Variants in CFHR4 observed in about 807,000 individuals in gnomAD.
The protein encoded by CFHR4 is complement factor H-related protein 4.
CFHR4 carries 64 observed loss-of-function variants against 69.3 expected under a neutral mutation model. The ratio of observed to expected loss-of-function variants is 0.92; its 90% confidence interval spans 0.76 to 1.14. The LOEUF is 1.14. Ranked by LOEUF, CFHR4 falls within the 50% of genes most tolerant of loss-of-function variation. The pLI, the probability that CFHR4 is intolerant of heterozygous loss-of-function variation, is 0.00. For missense variants in CFHR4, 636 were observed against 684.9 expected, an observed-to-expected ratio of 0.93 and a Z score of 0.80; for synonymous variants, 244 against 237.0, an observed-to-expected ratio of 1.03 and a Z score of -0.27.
intron 9 of CFHR4, among the ~76,000 whole-genome samples, chr1:196,916,790 AG>A (rs2124979921): frequency 6.6e-6 from 1 of 151,674 alleles, no homozygotes; most frequent in South Asian, 2.1e-4. Flanking sequence ...AGAACAGGAA[AG>A]GATTATAATT....
Position 196,918,257 on chromosome 1 carries a change from T to G in CFHR4, c.1588T>G (p.Leu530Val), listed in dbSNP as rs1186378315. The G allele has an allele frequency of 1.9e-6, 3 of 1,607,322 alleles. No individual in the cohort carries two copies. Among genetic ancestry groups the G allele is most frequent in the East Asian group, 4.5e-5 (2 of 44,590 alleles). ...EENMNKNNIQ[L>V]KGKSDIKYYA... ...AAACATGAATAAAAATAACATACAGTTAAAAGGAAAAAGTGACATAAAATA... is the reference window on the plus strand; with the variant it reads ...AAACATGAATAAAAATAACATACAGGTAAAAGGAAAAAGTGACATAAAATA... The change falls in exon 10 of 10, where the codon TTA (leucine) becomes GTA (valine). Residue 530 changes from leucine to valine, a missense_variant. Leu to Val is a conservative substitution (Grantham distance 32). Around this residue, in one of 3 missense-constraint regions of CFHR4, gnomAD observed 85 missense variants for 79.0 expected, o/e 1.08. Coordinates refer to ENST00000608469, the MANE Select transcript of CFHR4 (RefSeq NM_001201550.3).
chr1:196,897,581 G>A (rs1657381674), intron 1 of CFHR4, among the ~76,000 whole-genome samples: 1 of 151,354 alleles, frequency 6.6e-6, no homozygotes, highest in South Asian at 2.1e-4. Flanking sequence ...CCCGAAGTGG[G>A]GGATGGAGTG....
Position 196,906,981 on chromosome 1 carries a change from C to T in CFHR4, c.560C>T (p.Thr187Ile). ...YDGYESSYGNTTDSIVCGEDG... is the reference protein window; with the variant it reads ...YDGYESSYGNITDSIVCGEDG... ...GGATATGAAAGCAGTTATGGAAACACCACAGATTCCATAGTGTGTGGTGAA... is the reference window on the plus strand; with the variant it reads ...GGATATGAAAGCAGTTATGGAAACATCACAGATTCCATAGTGTGTGGTGAA... The change falls in exon 4 of 10, where the codon ACC becomes ATC. Residue 187 changes from threonine (T) to isoleucine (I), a missense_variant. Thr to Ile is a moderately conservative substitution (Grantham distance 89). Coordinates refer to ENST00000608469, the MANE Select transcript of CFHR4 (RefSeq NM_001201550.3). 2 of 1,612,396 alleles carry T rather than the reference C, an allele frequency of 1.2e-6. No homozygotes were observed. Among genetic ancestry groups the T allele is most frequent in the Non-Finnish European group, 8.5e-7 (1 of 1,179,404 alleles).
chr1:196,889,560 A>G (rs1350646212), intron 1 of CFHR4, among the ~76,000 whole-genome samples: 1 of 151,326 alleles, frequency 6.6e-6, no homozygotes, highest in Non-Finnish European at 1.5e-5. Context: ...CCTCCAATGA[A>G]CTCTTTGTAA....
chr1:196,888,934 T>C (rs947985746), intron 1 of CFHR4, among the ~76,000 whole-genome samples: 1 of 151,254 alleles, frequency 6.6e-6, no homozygotes, highest in African/African-American at 2.4e-5. Flanking sequence ...TAGTCATGTA[T>C]TTTCTATATT....
At chr1:196,912,152 A>G (rs1281380613) in intron 6 of CFHR4, among the ~76,000 whole-genome samples, 1 of 151,300 alleles carries the variant, frequency 6.6e-6, no homozygotes, top group Non-Finnish European at 1.5e-5. Context: ...ATACATTGCT[A>G]ATATATTAGA....
intron 1 of CFHR4, among the ~76,000 whole-genome samples, chr1:196,888,529 A>T (rs1656849856): frequency 6.6e-6 from 1 of 151,384 alleles, no homozygotes; most frequent in Non-Finnish European, 1.5e-5. Context: ...TTCTAACCTT[A>T]AAATGTTCAG....
intron 1 of CFHR4, among the ~76,000 whole-genome samples, chr1:196,892,248 C>G (rs981075979): frequency 1.3e-5 from 2 of 151,050 alleles, no homozygotes; most frequent in Non-Finnish European, 2.9e-5. Flanking sequence ...TTAAGTGGAG[C>G]AATAAAATGA....
At chr1:196,890,226 CTTTATG>C (rs1187139112) in intron 1 of CFHR4, among the ~76,000 whole-genome samples, 1 of 151,400 alleles carries the variant, frequency 6.6e-6, no homozygotes, top group Admixed American at 6.6e-5. Context: ...TAGTTGAATA[CTTTATG>C]TTTATATATA....
intron 1 of CFHR4, among the ~76,000 whole-genome samples, chr1:196,888,586 C>G (rs1235874158): frequency 1.3e-5 from 2 of 151,040 alleles, no homozygotes; most frequent in East Asian, 3.9e-4. Context: ...GTGATTGATA[C>G]TTTCATAATC....
At chr1:196,891,648 TA>T (rs1167188231) in intron 1 of CFHR4, among the ~76,000 whole-genome samples, 2 of 151,302 alleles carry the variant, frequency 1.3e-5, no homozygotes, top group Non-Finnish European at 2.9e-5. Context: ...TAAGATTTCA[TA>T]ACAAATAGAA....
At chr1:196,901,960 A>G (rs1365534177) in intron 1 of CFHR4, among the ~76,000 whole-genome samples, 1 of 151,498 alleles carries the variant, frequency 6.6e-6, no homozygotes, top group Non-Finnish European at 1.5e-5. Context: ...GATGTGATCA[A>G]TGAGAAATTC....
At position 196,888,267 on chromosome 1, in the gene CFHR4, T is replaced by A. The variant is rs928741274; in HGVS notation, c.58+59T>A. The A allele has an allele frequency of 3.9e-6, 6 of 1,520,904 alleles. 1 individual carries two copies. In the East Asian group the frequency reaches 9.1e-5, roughly 23 times the overall value. 94.2% of individuals were successfully genotyped at this position (1,520,904 alleles called of 1,614,324 possible). On this transcript the variant is annotated intron_variant, in intron 1 of 9. Coordinates refer to ENST00000608469, the MANE Select transcript of CFHR4 (RefSeq NM_001201550.3). ...CTCTTAAATGTAACTTCGTGTAATATCTAACTTCATATGTCTATAATTTTT... is the reference window on the plus strand; with the variant it reads ...CTCTTAAATGTAACTTCGTGTAATAACTAACTTCATATGTCTATAATTTTT...
intron 1 of CFHR4, among the ~76,000 whole-genome samples, chr1:196,896,569 C>T (rs571300126): frequency 3.3e-5 from 5 of 151,744 alleles, no homozygotes; most frequent in Admixed American, 2.0e-4. Flanking sequence ...CACTCTGGCT[C>T]CCCGCTGCTA....
intron 9 of CFHR4, among the ~76,000 whole-genome samples, chr1:196,915,452 A>G (rs1658551286): frequency 6.6e-6 from 1 of 151,268 alleles, no homozygotes. Flanking sequence ...CCTGACCAAC[A>G]TGGTGAACCC....
In CFHR4 at chr1:196,918,305, A is replaced by G. The variant is rs1371382009; in HGVS notation, c.1636A>G (p.Ile546Val). The G allele has an allele frequency of 6.2e-7, 1 of 1,610,792 alleles. No individual in the cohort carries two copies. Among genetic ancestry groups the G allele is most frequent in the Non-Finnish European group, 8.5e-7 (1 of 1,177,982 alleles). Residue 546 changes from isoleucine to valine, a missense_variant, in exon 10 of 10, where the codon ATT becomes GTT. By Grantham distance (29) the Ile-to-Val change is conservative. Transcript: ENST00000608469. ...ATATTATGCAAAAACAGGGGATACCATTGAATTTATGTGTAAATTGGGATA... is the reference window on the plus strand; with the variant it reads ...ATATTATGCAAAAACAGGGGATACCGTTGAATTTATGTGTAAATTGGGATA... The part of the protein sequence containing the change: ...IKYYAKTGDT[I>V]EFMCKLGYNA...
intron 6 of CFHR4, 65 bp downstream of exon 6, chr1:196,910,543 A>G: frequency 7.7e-7 from 1 of 1,306,760 alleles, no homozygotes; most frequent in South Asian, 1.3e-5. Flanking sequence ...AGAAGAGCAA[A>G]CAAATGATTA....
intron 6 of CFHR4, 66 bp from the exon 7 acceptor site, chr1:196,912,674 T>A: frequency 2.8e-6 from 4 of 1,447,942 alleles, no homozygotes; most frequent in Non-Finnish European, 3.7e-6. Flanking sequence ...ATGTTTTTAC[T>A]TGTTCCCTCC....
chr1:196,888,965 G>T (rs909084407), intron 1 of CFHR4, among the ~76,000 whole-genome samples: 1 of 148,108 alleles, frequency 6.8e-6, no homozygotes, highest in Non-Finnish European at 1.5e-5. Flanking sequence ...TTGAATGCAG[G>T]CCTTGCATAT....
Sources: allele counts gnomAD v4.1 joint callset (sites outside exome capture counted in the v4.1 genomes callset), GRCh38; gene constraint gnomAD v4.1.1; regional missense constraint gnomAD v4.1.1; transcripts MANE v1.5; gene names NCBI Gene and HGNC (gene_info 2026-07-23, HGNC 2026-07-21).